The following FOXP2 variants were observed in gnomAD, a reference collection of about 807,000 sequenced individuals.
FOXP2 encodes the protein forkhead box protein P2.
In FOXP2, 12 loss-of-function variants were observed where a neutral mutation model predicts 115.8. The ratio of observed to expected loss-of-function variants is 0.10; its 90% CI spans 0.07 to 0.17. FOXP2 has a LOEUF of 0.17. Ranked by LOEUF, FOXP2 falls within the 10% of genes least tolerant of loss-of-function variation. The probability of loss-of-function intolerance (pLI) is 1.00; values close to 1 mark genes in which losing one functional copy is unlikely to be tolerated. For missense variants in FOXP2, 629 were observed against 843.5 expected (o/e 0.75, Z 3.15); for synonymous variants, 328 against 297.7 (o/e 1.10, Z -1.05).
At chr7:114,209,936 G>C (rs990005384) in intron 1 of FOXP2, among the ~76,000 whole-genome samples, 1 of 152,122 alleles carries the variant, frequency 6.6e-6, no homozygotes. Context: ...TGATACTTGT[G>C]ATTGCATTAT....
intron 2 of FOXP2, among the ~76,000 whole-genome samples, chr7:114,329,041 G>T (rs935867729): frequency 3.9e-5 from 6 of 152,130 alleles, no homozygotes; most frequent in African/African-American, 1.4e-4. Flanking sequence ...TGAAATCACA[G>T]ACTTCAATTT....
At chr7:114,277,017 A>C (rs1221442383) in intron 1 of FOXP2, among the ~76,000 whole-genome samples, 1 of 152,160 alleles carries the variant, frequency 6.6e-6, no homozygotes, top group Non-Finnish European at 1.5e-5. Flanking sequence ...TACAGCATTA[A>C]GATTGCCTAA....
chr7:114,655,511 CTT>C (rs1806538063), intron 10 of FOXP2, among the ~76,000 whole-genome samples: 1 of 152,040 alleles, frequency 6.6e-6, no homozygotes, highest in Non-Finnish European at 1.5e-5. Context: ...TTAAAGTTCC[CTT>C]TGGAACTAGC....
chr7:114,672,609 T>G (rs555975990), intron 16 of FOXP2, among the ~76,000 whole-genome samples: 5 of 9,884 alleles, frequency 5.1e-4, no homozygotes, highest in Admixed American at 3.3e-3. Context: ...CTATTACTTT[T>G]ACTCCTTATT....
At chr7:114,300,038 A>G (rs918253918) in intron 2 of FOXP2, among the ~76,000 whole-genome samples, 10 of 151,892 alleles carry the variant, frequency 6.6e-5, no homozygotes, top group African/African-American at 2.4e-4. Context: ...ACACACTCAC[A>G]CACACACACG....
At chr7:114,564,983 T>G (rs559540841) in intron 3 of FOXP2, among the ~76,000 whole-genome samples, 1 of 152,044 alleles carries the variant, frequency 6.6e-6, no homozygotes, top group African/African-American at 2.4e-5. Flanking sequence ...TATATCTTAT[T>G]TAATTCATTA....
At chr7:114,172,369 G>A (rs531758048) in intron 1 of FOXP2, among the ~76,000 whole-genome samples, 1 of 152,244 alleles carries the variant, frequency 6.6e-6, no homozygotes, top group African/African-American at 2.4e-5. Context: ...GAAATAAATA[G>A]GCAGAACACA....
intron 16 of FOXP2, among the ~76,000 whole-genome samples, chr7:114,670,557 C>T (rs1368489413): frequency 6.6e-6 from 1 of 151,944 alleles, no homozygotes; most frequent in Non-Finnish European, 1.5e-5. Context: ...CCATAGATAG[C>T]TAAAAGGTGC....
chr7:114,098,319 T>C (rs1049948708), intron 1 of FOXP2, among the ~76,000 whole-genome samples: 13 of 152,168 alleles, frequency 8.5e-5, no homozygotes, highest in Admixed American at 8.5e-4. Flanking sequence ...CATTTCCTGA[T>C]TTAAAATTAT....
intron 1 of FOXP2, among the ~76,000 whole-genome samples, chr7:114,122,810 T>G (rs1413624411): frequency 1.3e-5 from 2 of 152,080 alleles, no homozygotes; most frequent in Admixed American, 6.6e-5. Context: ...ATACACATAA[T>G]TTTTAAGGAG....
At chr7:114,661,395 A>G (rs1806851269) in intron 13 of FOXP2, among the ~76,000 whole-genome samples, 1 of 152,124 alleles carries the variant, frequency 6.6e-6, no homozygotes, top group South Asian at 2.1e-4. Context: ...TGTTTGCATA[A>G]TCATTATGGG....
At chr7:114,604,739 G>T (rs1053543496) in intron 3 of FOXP2, among the ~76,000 whole-genome samples, 2 of 152,088 alleles carry the variant, frequency 1.3e-5, no homozygotes, top group African/African-American at 4.8e-5. Context: ...AAATTCTGTG[G>T]TCACCCCATT....
chr7:114,215,682 C>T (rs1429242738), intron 1 of FOXP2, among the ~76,000 whole-genome samples: 1 of 151,018 alleles, frequency 6.6e-6, no homozygotes, highest in Non-Finnish European at 1.5e-5. Context: ...TCTGTCATAT[C>T]CCTGGGCCTG....
chr7:114,122,413 C>CTTTTTTTTT (rs1791590219), intron 1 of FOXP2, among the ~76,000 whole-genome samples: 1 of 135,952 alleles, frequency 7.4e-6, no homozygotes, highest in African/African-American at 2.7e-5. Flanking sequence ...TTTTTTTTTT[C>CTTTTTTTTT]CTTTTTTTTT....
intron 1 of FOXP2, among the ~76,000 whole-genome samples, chr7:114,262,008 G>A (rs760213128): frequency 1.3e-5 from 2 of 151,994 alleles, no homozygotes; most frequent in Non-Finnish European, 2.9e-5. Context: ...CAGTGAGCCC[G>A]GATCACGCCA....
rs553125036 is a variant in FOXP2, at chr7:114,372,524, C to T, written c.-10-53978C>T. The stretch of plus-strand genomic sequence containing the variant: ...ATTTTAAAAGCACTGACTGAGTACT[C>T]TATGTGAGTTTTCTCATTTTACTGC... On this transcript the variant is annotated intron_variant, in intron 2 of 17. Transcript: ENST00000634411. Among the ~76,000 whole-genome samples, 181 of 152,274 alleles carry T rather than the reference C, an allele frequency of 1.2e-3. 1 individual carries two copies. Among genetic ancestry groups the T allele is most frequent in the Middle Eastern group, 6.8e-3 (2 of 294 alleles).
upstream of FOXP2, among the ~76,000 whole-genome samples, chr7:114,087,535 A>G (rs1049639376): frequency 2.6e-5 from 4 of 151,564 alleles, no homozygotes; most frequent in African/African-American, 9.7e-5. Flanking sequence ...CTTGGCTGTT[A>G]CCTGGAAGTC....
At chr7:114,462,365 TC>T (rs1795608264) in intron 2 of FOXP2, among the ~76,000 whole-genome samples, 1 of 120,522 alleles carries the variant, frequency 8.3e-6, no homozygotes, top group South Asian at 3.0e-4. Context: ...CAGCATAATA[TC>T]TTTTTTTTTT....
At chr7:114,486,617 C>A (rs1796788583) in intron 2 of FOXP2, among the ~76,000 whole-genome samples, 2 of 152,200 alleles carry the variant, frequency 1.3e-5, no homozygotes, top group Admixed American at 6.5e-5. Flanking sequence ...GTCCCTTCTA[C>A]CTATCAGCCT....
Sources: gnomAD v4.1 joint callset for allele counts (sites outside exome capture counted in the v4.1 genomes callset) on GRCh38, gnomAD v4.1.1 for gene constraint, MANE v1.5 for transcripts, NCBI Gene and HGNC (gene_info 2026-07-23, HGNC 2026-07-21) for gene names.